LMAN1: variants seen among roughly 807,000 people sequenced by gnomAD.
The protein encoded by LMAN1 is protein ERGIC-53.
LMAN1 carries 32 observed loss-of-function variants against 67.8 expected under a neutral mutation model. That is an observed-to-expected ratio of 0.47 (90% CI 0.36 to 0.63). The LOEUF (loss-of-function observed/expected upper bound fraction) is 0.63, where lower values mean the gene tolerates loss of function less well. Among genes scored for constraint, LMAN1 ranks in the 30% least tolerant of loss-of-function variants. The pLI is 0.00. For missense variants in LMAN1, 632 were observed against 628.2 expected (o/e 1.01, Z -0.06); for synonymous variants, 235 against 219.3 (o/e 1.07, Z -0.63).
chr18:59,332,993 C>A (rs1001349384), intron 11 of LMAN1, 98 bp downstream of exon 11: 6 of 958,634 alleles, frequency 6.3e-6, no homozygotes, highest in Admixed American at 3.8e-5. Flanking sequence ...TAAAAATAAG[C>A]ATTAGCATTA....
chr18:59,357,970 A>G (rs1009222953), intron 1 of LMAN1, among the ~76,000 whole-genome samples: 1 of 151,270 alleles, frequency 6.6e-6, no homozygotes, highest in Non-Finnish European at 1.5e-5. Context: ...TAGTAAAAAA[A>G]AAAAAAAAAA....
Position 59,328,443 on chromosome 18 carries a change from C to T in LMAN1, c.*2650G>A, listed in dbSNP as rs886054030. On this transcript the variant is annotated 3_prime_UTR_variant, in exon 13 of 13. Coordinates refer to ENST00000251047, the MANE Select transcript of LMAN1 (RefSeq NM_005570.4). ...TCAGTCTGTAGTTGCTCATGAACCACGCGTTTTAATAAAAGGAACATTAAG... is the reference window on the plus strand; with the variant it reads ...TCAGTCTGTAGTTGCTCATGAACCATGCGTTTTAATAAAAGGAACATTAAG... The T allele has an allele frequency of 4.6e-5, 7 of 152,100 alleles. No homozygotes were observed. Among genetic ancestry groups the T allele is most frequent in the African/African-American group, 1.4e-4 (6 of 41,410 alleles). The allele number at this position is 152,100 out of a possible 1,614,324, so 9.4% of individuals were successfully genotyped here. A position where few individuals can be genotyped will look rare whatever the true frequency, so the allele number is the denominator to read the frequency against.
chr18:59,351,443 A>G lies in LMAN1; in HGVS notation c.639+1759T>C, dbSNP rs147392647. On this transcript the variant is annotated intron_variant, in intron 5 of 12. Coordinates refer to ENST00000251047, the MANE Select transcript of LMAN1 (RefSeq NM_005570.4). ...GAGATGTACAGAGAGGTGAAAACCA[A>G]TAAGTAGCAGTCACGTGTCCAGCCA... 1.8e-4 allele frequency: 27 copies of G among 152,346 alleles called. 1 individual carries two copies. The highest frequency in any genetic ancestry group is 8.3e-4 in the South Asian group (4 of 4,822). The allele number at this position is 152,346 out of a possible 1,614,324, so 9.4% of individuals were successfully genotyped here.
Position 59,359,240 on chromosome 18 carries a change from G to C in LMAN1, c.5C>G (p.Ala2Gly). 6.2e-7 allele frequency: 1 copy of C among 1,613,594 alleles called. No individual in the cohort carries two copies. The highest frequency in any genetic ancestry group is 8.5e-7 in the Non-Finnish European group (1 of 1,179,656). Residue 2 changes from alanine (A) to glycine (G), a missense_variant, in exon 1 of 13, where the codon GCG (alanine) becomes GGG (glycine). By Grantham distance (60) the Ala-to-Gly change is moderately conservative (BLOSUM62 0). Coordinates refer to ENST00000251047, the MANE Select transcript of LMAN1 (RefSeq NM_005570.4). M[A>G]GSRQRGLRAR... ...CCGGAGACCCCTTTGCCTGGATCCC[G>C]CCATCTTGGATTCTGGAACGCGGAG...
Position 59,333,222 on chromosome 18 carries a change from T to G in LMAN1, c.1243A>C (p.Arg415=), listed in dbSNP as rs1305490195. Residue 415 remains arginine, a synonymous_variant, in exon 11 of 13, where the codon AGA becomes CGA. Transcript: ENST00000251047. The stretch of plus-strand genomic sequence containing the variant: ...GGGTGCTGCATTCCACTGACCAGTC[T>G]GACGGTTTCACTCATGGAATTTCTG... ...EMKNSMSETV[R]LVSGMQHPGS... is the part of the protein sequence containing the mutation. 6.2e-7 allele frequency: 1 copy of G among 1,613,558 alleles called. No individual in the cohort carries two copies.
intron 5 of LMAN1, 50 bp downstream of exon 5, chr18:59,353,152 T>C (rs1908582248): frequency 6.9e-7 from 1 of 1,443,890 alleles, no homozygotes; most frequent in African/African-American, 1.4e-5. Context: ...AAATGAAAAG[T>C]GATACTGTAA....
rs1908397694 is a variant in LMAN1 at position 59,346,110 on chromosome 18, TCTATACATGTTA to T, written c.823-71_823-60del. 2.8e-5 allele frequency: 38 copies of T among 1,377,296 alleles called. No individual in the cohort carries two copies. In the South Asian group the frequency reaches 4.7e-4, roughly 17 times the overall value. 85.3% of individuals were successfully genotyped at this position (1,377,296 alleles called of 1,614,324 possible). A position where few individuals can be genotyped will look rare whatever the true frequency, so the allele number is the denominator to read the frequency against. Reference sequence around the variant, plus strand: ...AAGATAAGAAAATCATTAAGATATCTCTATACATGTTATTTTTCTCATTTTAACTCTTCTACC... The same window carrying T: ...AAGATAAGAAAATCATTAAGATATCTTTTTTCTCATTTTAACTCTTCTACC... On this transcript the variant is annotated intron_variant, in intron 7 of 12. Coordinates refer to ENST00000251047, the MANE Select transcript of LMAN1 (RefSeq NM_005570.4).
At chr18:59,337,367 C>T (rs66850351) in intron 10 of LMAN1, among the ~76,000 whole-genome samples, 14,042 of 151,858 alleles carry the variant, frequency 0.092, 774 homozygotes, top group Middle Eastern at 0.14. Context: ...ATGTAATGTG[C>T]GATTGTGGAT....
Position 59,355,590 on chromosome 18 carries a change from T to C in LMAN1, c.283A>G (p.Thr95Ala), listed in dbSNP as rs554201327. ...TTCTCAAAGGCCGCTTTTGTCTTTG[T>C]CCACACTGAGCCTCTTTGGCTTTTT... ...SLKSQRGSVWTKTKAAFENWE... is the reference protein window; with the variant it reads ...SLKSQRGSVWAKTKAAFENWE... The change falls in exon 2 of 13, where the codon ACA becomes GCA. Residue 95 changes from threonine to alanine, a missense_variant. Thr to Ala is a moderately conservative substitution (Grantham distance 58). Transcript: ENST00000251047. 6.2e-7 allele frequency: 1 copy of C among 1,614,142 alleles called. No homozygotes were observed. The highest frequency in any genetic ancestry group is 8.5e-7 in the Non-Finnish European group (1 of 1,179,990).
chr18:59,347,734 TTA>T (rs891100793), intron 6 of LMAN1, among the ~76,000 whole-genome samples, 163 bp from the exon 7 acceptor site: 1 of 152,256 alleles, frequency 6.6e-6, no homozygotes, highest in African/African-American at 2.4e-5. Context: ...CTCTGTGAGC[TTA>T]GAGACCAAAA....
Position 59,328,283 on chromosome 18 carries a change from G to GTGAT in LMAN1, c.*2809_*2810insATCA, listed in dbSNP as rs1199657061. 1.3e-5 allele frequency: 2 copies of GTGAT among 152,110 alleles called. No homozygotes were observed. The highest frequency in any genetic ancestry group is 2.9e-5 in the Non-Finnish European group (2 of 68,030). The allele number at this position is 152,110 out of a possible 1,614,324, so 9.4% of individuals were successfully genotyped here. A position where few individuals can be genotyped will look rare whatever the true frequency, so the allele number is the denominator to read the frequency against. On this transcript the variant is annotated 3_prime_UTR_variant, in exon 13 of 13. Coordinates refer to ENST00000251047, the MANE Select transcript of LMAN1 (RefSeq NM_005570.4). ...TAAATTGTTACCATAATCACAATCA[G>GTGAT]GAAGGCAAAGAAGCTTTAGCAGGCA...
intron 1 of LMAN1, 127 bp from the exon 2 acceptor site, chr18:59,355,785 T>A (rs1226687298): frequency 9.4e-7 from 1 of 1,060,368 alleles, no homozygotes; most frequent in Non-Finnish European, 1.4e-6. Context: ...GGAAAAAATT[T>A]CATGTTGACA....
chr18:59,330,695 T>A lies in LMAN1; in HGVS notation c.*398A>T, dbSNP rs769038283. 5.9e-6 allele frequency: 1 copy of A among 168,356 alleles called. No individual in the cohort carries two copies. The highest frequency in any genetic ancestry group is 2.4e-5 in the African/African-American group (1 of 41,792). 10.4% of individuals were successfully genotyped at this position (168,356 alleles called of 1,614,324 possible). A position where few individuals can be genotyped will look rare whatever the true frequency, so the allele number is the denominator to read the frequency against. On this transcript the variant is annotated 3_prime_UTR_variant, in exon 13 of 13. Transcript: ENST00000251047. The stretch of plus-strand genomic sequence containing the variant: ...GACTTTGGTTACAAAATAAACCTGA[T>A]GGGACTTCTTAATTAGACCTCATAT...
In LMAN1 at chr18:59,342,601, T is replaced by A. The variant is rs568163577; in HGVS notation, c.955+3318A>T. ...ATTTCAACAGACTCAGAAAGGACAT[T>A]CAATAAAATTCATCATCCCTTCATG... is the stretch of plus-strand genomic sequence containing the variant. On this transcript the variant is annotated intron_variant, in intron 8 of 12. Transcript: ENST00000251047. Among the ~76,000 whole-genome samples the A allele has an allele frequency of 2.0e-5, 3 of 152,174 alleles. No homozygotes were observed. In the South Asian group the frequency reaches 6.2e-4, roughly 32 times the overall value.
chr18:59,331,347 T>A, intron 12 of LMAN1, 71 bp downstream of exon 12: 1 of 1,433,074 alleles, frequency 7.0e-7, no homozygotes, highest in Non-Finnish European at 9.8e-7. Flanking sequence ...TGAACATAGA[T>A]AACTTAGTTG....
chr18:59,332,012 A>G (rs571231878), intron 11 of LMAN1, among the ~76,000 whole-genome samples: 3 of 152,224 alleles, frequency 2.0e-5, no homozygotes, highest in Non-Finnish European at 2.9e-5. Context: ...CTACAATCTC[A>G]TATCATTCAA....
chr18:59,342,962 T>TA, intron 8 of LMAN1, among the ~76,000 whole-genome samples: 1 of 149,224 alleles, frequency 6.7e-6, no homozygotes, highest in East Asian at 2.0e-4. Flanking sequence ...TGTTTCAAGA[T>TA]AAAAAATTAA....
At position 59,328,326 on chromosome 18, in the gene LMAN1, T is replaced by C. The variant is rs964958614; in HGVS notation, c.*2767A>G. On this transcript the variant is annotated 3_prime_UTR_variant, in exon 13 of 13. Coordinates refer to ENST00000251047, the MANE Select transcript of LMAN1 (RefSeq NM_005570.4). ...AGCAGGCAGGCTTGAAGATGGGAGTTTTCATGGCTTGACCATGAATGATCT... is the reference window on the plus strand; with the variant it reads ...AGCAGGCAGGCTTGAAGATGGGAGTCTTCATGGCTTGACCATGAATGATCT... The C allele has an allele frequency of 6.6e-6, 1 of 152,170 alleles. No individual in the cohort carries two copies. The highest frequency in any genetic ancestry group is 2.4e-5 in the African/African-American group (1 of 41,452). The allele number at this position is 152,170 out of a possible 1,614,324, so 9.4% of individuals were successfully genotyped here.
At chr18:59,338,226 C>T (rs914795841) in intron 10 of LMAN1, among the ~76,000 whole-genome samples, 17 of 152,070 alleles carry the variant, frequency 1.1e-4, no homozygotes, top group African/African-American at 4.1e-4. Flanking sequence ...TAGTACTTTT[C>T]ATAAAAGTGT....
Sources: gnomAD v4.1 joint callset for allele counts (sites outside exome capture counted in the v4.1 genomes callset) on GRCh38, gnomAD v4.1.1 for gene constraint, MANE v1.5 for transcripts, NCBI Gene and HGNC (gene_info 2026-07-23, HGNC 2026-07-21) for gene names.